SLC17A1: variants seen among roughly 807,000 people sequenced by gnomAD.
The protein encoded by SLC17A1 is sodium-dependent phosphate transport protein 1.
In SLC17A1, 51 loss-of-function variants were observed where a neutral mutation model predicts 53.5. The observed-to-expected ratio is 0.95, with a 90% CI of 0.76 to 1.20. The LOEUF (loss-of-function observed/expected upper bound fraction) is 1.20, where lower values mean the gene tolerates loss of function less well. Among genes scored for constraint, SLC17A1 ranks in the 50% most tolerant of loss-of-function variants. SLC17A1 has a pLI of 0.00. For synonymous variants in SLC17A1, 179 were observed against 198.8 expected (o/e 0.90, Z 0.84); for missense variants, 538 against 568.2 (o/e 0.95, Z 0.54).
the SLC17A1 span, among the ~76,000 whole-genome samples, chr6:25,743,276 C>T: frequency 1.3e-5 from 2 of 152,140 alleles, no homozygotes; most frequent in Non-Finnish European, 2.9e-5. Context: ...CAAACTCTGA[C>T]ACTGAAAGCA....
chr6:25,800,069 C>T (rs1027447767), intron 11 of SLC17A1, among the ~76,000 whole-genome samples: 10 of 152,160 alleles, frequency 6.6e-5, no homozygotes, highest in Admixed American at 3.9e-4. Flanking sequence ...TACACACTAC[C>T]ATTCCTTTGG....
the SLC17A1 span, chr6:25,726,566 T>G: frequency 1.9e-6 from 3 of 1,576,886 alleles, no homozygotes; most frequent in East Asian, 6.7e-5. Context: ...GAACCACATT[T>G]CTAGGGCTGC....
chr6:25,819,613 G>A lies in SLC17A1; in HGVS notation c.442-15C>T, dbSNP rs768118467. The A allele has an allele frequency of 2.5e-6, 4 of 1,612,502 alleles. No individual in the cohort carries two copies. Among genetic ancestry groups the A allele is most frequent in the East Asian group, 2.2e-5 (1 of 44,870 alleles). On this transcript the variant is annotated splice_polypyrimidine_tract_variant and intron_variant, in intron 4 of 12. Coordinates refer to ENST00000244527, the MANE Select transcript of SLC17A1 (RefSeq NM_005074.5). ...GCAACTATCCCCTGAAATGAGAAAG[G>A]TTTGACATTTAATCTCTAATACTTC...
chr6:25,785,643 C>T (rs935681725), intron 12 of SLC17A1, among the ~76,000 whole-genome samples: 1 of 151,886 alleles, frequency 6.6e-6, no homozygotes, highest in African/African-American at 2.4e-5. Flanking sequence ...CATCAAAAGA[C>T]AAATAATTAA....
downstream of SLC17A1, chr6:25,782,852 A>G (rs1452111467): frequency 6.6e-6 from 1 of 152,222 alleles, no homozygotes; most frequent in East Asian, 1.9e-4. Context: ...TAGCTCACAC[A>G]TCTACAATGA....
the SLC17A1 span, chr6:25,727,082 G>C: frequency 1.9e-6 from 3 of 1,614,092 alleles, no homozygotes; most frequent in South Asian, 1.1e-5. Context: ...GCATCTCTTC[G>C]AAAGCTATGA....
chr6:25,752,538 T>C, the SLC17A1 span, among the ~76,000 whole-genome samples: 1 of 152,242 alleles, frequency 6.6e-6, no homozygotes, highest in African/African-American at 2.4e-5. Context: ...ATTTTATTTC[T>C]TCAATAATAA....
chr6:25,741,309 C>T, the SLC17A1 span, among the ~76,000 whole-genome samples: 1 of 151,618 alleles, frequency 6.6e-6, no homozygotes, highest in African/African-American at 2.4e-5. Flanking sequence ...GTGGCTCACA[C>T]CTGTAATCCC....
the SLC17A1 span, chr6:25,732,009 T>C: frequency 1.9e-6 from 3 of 1,554,448 alleles, no homozygotes; most frequent in East Asian, 7.0e-5. Flanking sequence ...GATTCCAGTG[T>C]CCGCGTGGAC....
the SLC17A1 span, chr6:25,726,859 G>A: frequency 3.2e-6 from 5 of 1,566,484 alleles, no homozygotes; most frequent in East Asian, 2.2e-5. Flanking sequence ...GGAAAGTGCT[G>A]TGTAACCCTG....
rs772808979 is a variant in SLC17A1, at chr6:25,819,903, T to C, written c.220A>G (p.Asn74Asp). 1 of 1,608,510 alleles carries C rather than the reference T, an allele frequency of 6.2e-7. No individual in the cohort carries two copies. The highest frequency in any genetic ancestry group is 8.5e-7 in the Non-Finnish European group (1 of 1,176,548). ...LLDNIKNPMYNWSPDIQGIIL... is the reference protein window; with the variant it reads ...LLDNIKNPMYDWSPDIQGIIL... The stretch of plus-strand genomic sequence containing the variant: ...ATTCCCTGGATATCTGGGCTCCAAT[T>C]ATACATAGGGTTCTAAAAGACAAGG... The change falls in exon 4 of 13, where the codon AAT becomes GAT. Residue 74 changes from asparagine to aspartate, a missense_variant. Transcript: ENST00000244527.
the SLC17A1 span, among the ~76,000 whole-genome samples, chr6:25,733,774 G>A: frequency 6.8e-6 from 1 of 146,566 alleles, no homozygotes; most frequent in Non-Finnish European, 1.5e-5. Context: ...TCAAACCAAA[G>A]CCTAATACTG....
chr6:25,823,658 G>C (rs185084404), intron 3 of SLC17A1, among the ~76,000 whole-genome samples: 17 of 151,748 alleles, frequency 1.1e-4, no homozygotes, highest in African/African-American at 4.1e-4. Context: ...TTTTTGTATT[G>C]GGTTGTGTTT....
At chr6:25,775,389 T>C in the SLC17A1 span, among the ~76,000 whole-genome samples, 2 of 152,004 alleles carry the variant, frequency 1.3e-5, no homozygotes, top group Non-Finnish European at 2.9e-5. Context: ...TAATCTGCCC[T>C]GTCCTCCCAG....
the SLC17A1 span, chr6:25,726,546 A>G: frequency 1.9e-6 from 3 of 1,594,340 alleles, no homozygotes; most frequent in Non-Finnish European, 8.6e-7. Flanking sequence ...ATCAAATTGC[A>G]GCAACACGAG....
chr6:25,743,893 T>G, the SLC17A1 span, among the ~76,000 whole-genome samples: 2 of 152,192 alleles, frequency 1.3e-5, no homozygotes, highest in Non-Finnish European at 2.9e-5. Context: ...TGAGAATTAC[T>G]GGGTTGAGCA....
At chr6:25,766,148 T>C in the SLC17A1 span, among the ~76,000 whole-genome samples, 3 of 149,480 alleles carry the variant, frequency 2.0e-5, no homozygotes, top group African/African-American at 7.3e-5. Context: ...ATTATAATTT[T>C]ATAGAAATTA....
chr6:25,786,051 G>A (rs1763376326), intron 12 of SLC17A1, among the ~76,000 whole-genome samples: 1 of 152,160 alleles, frequency 6.6e-6, no homozygotes, highest in Non-Finnish European at 1.5e-5. Flanking sequence ...ATTCACAGCA[G>A]CCAAAAGGTG....
chr6:25,725,887 G>T, the SLC17A1 span, among the ~76,000 whole-genome samples: 1 of 152,060 alleles, frequency 6.6e-6, no homozygotes, highest in African/African-American at 2.4e-5. Flanking sequence ...AAGCCACCTC[G>T]CCCAGTGACA....
Sources: allele counts gnomAD v4.1 joint callset (sites outside exome capture counted in the v4.1 genomes callset), GRCh38; gene constraint gnomAD v4.1.1; transcripts MANE v1.5; gene names NCBI Gene and HGNC (gene_info 2026-07-23, HGNC 2026-07-21).